The following UBP1 variants were observed in gnomAD, a reference collection of about 807,000 sequenced individuals.
UBP1 encodes the protein upstream-binding protein 1.
In UBP1, 22 loss-of-function variants were observed where a neutral mutation model predicts 76.1. The ratio of observed to expected loss-of-function variants is 0.29; its 90% CI spans 0.21 to 0.41. The LOEUF (loss-of-function observed/expected upper bound fraction) is 0.41. Among genes scored for constraint, UBP1 ranks in the 10% least tolerant of loss-of-function variants. The pLI, the probability that UBP1 is intolerant of heterozygous loss-of-function variation, is 1.00. For missense variants in UBP1, 436 were observed against 668.1 expected, an observed-to-expected ratio of 0.65 and a Z score of 3.83; for synonymous variants, 224 against 237.1, an observed-to-expected ratio of 0.94 and a Z score of 0.51.
chr3:33,396,872 G>C (rs2044017906), intron 12 of UBP1, 173 bp downstream of exon 12: 2 of 704,506 alleles, frequency 2.8e-6, no homozygotes, highest in Non-Finnish European at 5.2e-6. Flanking sequence ...TCATATCTGG[G>C]CCTGCCCTGA....
In UBP1 at chr3:33,434,279, T is replaced by C. The variant is rs1178468542; in HGVS notation, c.113+5457A>G. On this transcript the variant is annotated intron_variant, in intron 1 of 15. Coordinates refer to ENST00000283629, the MANE Select transcript of UBP1 (RefSeq NM_014517.5). Reference sequence around the variant, plus strand: ...TTTCTTGAAAGTAAGGTTTCAGTAGTCAGCAAATCCTTTTTTTTTTTTTTT... The same window carrying C: ...TTTCTTGAAAGTAAGGTTTCAGTAGCCAGCAAATCCTTTTTTTTTTTTTTT... 9.4e-5 allele frequency among the ~76,000 whole-genome samples: 14 copies of C among 149,072 alleles called. No homozygotes were observed. The Admixed American group carries it at 9.5e-4, about 10-fold the overall frequency.
At chr3:33,418,802 T>C (rs758469102) in intron 2 of UBP1, among the ~76,000 whole-genome samples, 1 of 133,728 alleles carries the variant, frequency 7.5e-6, no homozygotes, top group Non-Finnish European at 1.5e-5. Context: ...GAGGTTGCAG[T>C]AAGCTGAGAT....
chr3:33,396,893 A>G (rs1200405504), intron 12 of UBP1, 152 bp downstream of exon 12: 4 of 755,050 alleles, frequency 5.3e-6, no homozygotes, highest in Non-Finnish European at 9.3e-6. Context: ...AGGTGTACAC[A>G]AAACAGTCTT....
rs1399394516 is a variant in UBP1, at chr3:33,408,757, T to C, written c.860A>G (p.Glu287Gly). The change falls in exon 8 of 16, where the codon GAG becomes GGG. Residue 287 changes from glutamate to glycine, a missense_variant. Glu to Gly is a moderately conservative substitution (Grantham distance 98). Transcript: ENST00000283629. ...EPIIEDAVEH[E>G]QKKSSKRTLP... The stretch of plus-strand genomic sequence containing the variant: ...AGTCCGCTTGCTGGACTTTTTCTGC[T>C]CATGTTCAACTGCATCTTCAATTAT... The C allele has an allele frequency of 6.2e-7, 1 of 1,613,910 alleles. No individual in the cohort carries two copies. Among genetic ancestry groups the C allele is most frequent in the East Asian group, 2.2e-5 (1 of 44,892 alleles).
chr3:33,432,911 G>A (rs1367226976), intron 1 of UBP1, among the ~76,000 whole-genome samples: 1 of 152,142 alleles, frequency 6.6e-6, no homozygotes, highest in African/African-American at 2.4e-5. Flanking sequence ...GGGTACATGT[G>A]AACTCTCCAT....
chr3:33,421,918 C>T (rs796227642), intron 2 of UBP1, among the ~76,000 whole-genome samples: 20 of 152,184 alleles, frequency 1.3e-4, no homozygotes, highest in African/African-American at 4.8e-4. Flanking sequence ...GTGGCATGTG[C>T]CCATAGTCCT....
intron 15 of UBP1, 174 bp downstream of exon 15, chr3:33,392,389 T>C: frequency 1.7e-6 from 1 of 574,488 alleles, no homozygotes; most frequent in Non-Finnish European, 2.9e-6. Flanking sequence ...CTGACTCCTC[T>C]TCCTTATATG....
At position 33,413,546 on chromosome 3, in the gene UBP1, C is replaced by CAA. The variant is rs926941278; in HGVS notation, c.343-721_343-720dup. On this transcript the variant is annotated intron_variant, in intron 3 of 15. Transcript: ENST00000283629. ...TAGGTGACAGAGCGAGACTCCATCA[C>CAA]AAAAAAAAAAAAAAAAAAACTTTGA... Among the ~76,000 whole-genome samples the CAA allele has an allele frequency of 3.1e-3, 169 of 55,234 alleles. 1 individual carries two copies. Among genetic ancestry groups the CAA allele is most frequent in the African/African-American group, 7.2e-3 (106 of 14,664 alleles). The allele number at this position is 55,234 out of a possible 152,430, so 36.2% of individuals were successfully genotyped here. A position where few individuals can be genotyped will look rare whatever the true frequency, so the allele number is the denominator to read the frequency against.
chr3:33,405,761 T>TA (rs955879827), intron 8 of UBP1, among the ~76,000 whole-genome samples: 17 of 152,248 alleles, frequency 1.1e-4, no homozygotes, highest in African/African-American at 4.1e-4. Context: ...ACACTGTCTC[T>TA]AAAAAAATTT....
rs1402951963 is a variant in UBP1, at chr3:33,389,973, C to CAGTA, written c.*354_*357dup. 1 of 214,198 alleles carries CAGTA rather than the reference C, an allele frequency of 4.7e-6. No individual in the cohort carries two copies. The highest frequency in any genetic ancestry group is 9.3e-6 in the Non-Finnish European group (1 of 107,260). 13.3% of individuals were successfully genotyped at this position (214,198 alleles called of 1,614,324 possible). A position where few individuals can be genotyped will look rare whatever the true frequency, so the allele number is the denominator to read the frequency against. ...ACTGGCACAGAAAGGTAAATGCCCACAGTAAGTTTCTACATTCATTTCCAA... is the reference window on the plus strand; with the variant it reads ...ACTGGCACAGAAAGGTAAATGCCCACAGTAAGTAAGTTTCTACATTCATTTCCAA... On this transcript the variant is annotated 3_prime_UTR_variant, in exon 16 of 16. Transcript: ENST00000283629.
At chr3:33,425,996 A>AACATATATATATATATAT (rs2045005339) in intron 1 of UBP1, among the ~76,000 whole-genome samples, 1 of 55,136 alleles carries the variant, frequency 1.8e-5, no homozygotes, top group Non-Finnish European at 3.3e-5. Context: ...GGCAGCTCTG[A>AACATATATATATATATAT]ATATATATAT....
At chr3:33,419,784 A>G (rs1164549958) in intron 2 of UBP1, among the ~76,000 whole-genome samples, 2 of 152,192 alleles carry the variant, frequency 1.3e-5, no homozygotes, top group African/African-American at 4.8e-5. Flanking sequence ...TCCCCAATCC[A>G]TAATTTTTAA....
chr3:33,396,238 C>T lies in UBP1; in HGVS notation c.1314G>A (p.Gln438=). The T allele has an allele frequency of 6.3e-7, 1 of 1,591,368 alleles. No homozygotes were observed. Among genetic ancestry groups the T allele is most frequent in the Non-Finnish European group, 8.6e-7 (1 of 1,161,846 alleles). Residue 438 remains glutamine (Q), a synonymous_variant, in exon 13 of 16, where the codon CAG becomes CAA. Transcript: ENST00000283629. ...GCCCTTGCAGCACTGTGCTGCTTGGCTGCTCCCGGCAGACATAGATGGTTA... is the reference window on the plus strand; with the variant it reads ...GCCCTTGCAGCACTGTGCTGCTTGGTTGCTCCCGGCAGACATAGATGGTTA... ...PRLTIYVCRE[Q]PSSTVLQGQQ... is the part of the protein sequence containing the mutation.
At chr3:33,433,336 C>G (rs1575492505) in intron 1 of UBP1, among the ~76,000 whole-genome samples, 1 of 128,494 alleles carries the variant, frequency 7.8e-6, no homozygotes, top group African/African-American at 3.0e-5. Context: ...GCTGGGATTA[C>G]AGGTGTGAGC....
intron 6 of UBP1, 25 bp from the exon 7 acceptor site, chr3:33,409,371 A>G (rs745682267): frequency 6.2e-7 from 1 of 1,613,962 alleles, no homozygotes; most frequent in South Asian, 1.1e-5. Context: ...ATACTATTTC[A>G]TCTATCAGGC....
At chr3:33,404,742 G>C (rs1234957681) in intron 8 of UBP1, among the ~76,000 whole-genome samples, 1 of 152,058 alleles carries the variant, frequency 6.6e-6, no homozygotes, top group African/African-American at 2.4e-5. Flanking sequence ...TAATTCAGGA[G>C]GATGGACCTA....
chr3:33,417,134 G>A (rs1207897137), intron 2 of UBP1, among the ~76,000 whole-genome samples: 1 of 152,126 alleles, frequency 6.6e-6, no homozygotes, highest in Non-Finnish European at 1.5e-5. Context: ...GCTTTTCTGA[G>A]ATATAGTTTA....
In UBP1 at chr3:33,393,456, T is replaced by G; in HGVS notation, c.1391-2A>C. The G allele has an allele frequency of 6.3e-7, 1 of 1,581,984 alleles. No homozygotes were observed. The highest frequency in any genetic ancestry group is 8.5e-7 in the Non-Finnish European group (1 of 1,170,240). The stretch of plus-strand genomic sequence containing the variant: ...CTTCCAAGTAGATTGCATGATAAAC[T>G]GAAATTAAAAAAAAAAAAAGAAAAG... On this transcript the variant is annotated splice_acceptor_variant, in intron 13 of 15. Coordinates refer to ENST00000283629, the MANE Select transcript of UBP1 (RefSeq NM_014517.5). LOFTEE classifies it high-confidence loss of function.
chr3:33,434,682 CTTTTTT>C (rs10709462), intron 1 of UBP1, among the ~76,000 whole-genome samples: 957 of 87,696 alleles, frequency 0.011, 11 homozygotes, highest in African/African-American at 0.036. Flanking sequence ...AATGGTTTTA[CTTTTTT>C]TTTTTTTTTT....
Sources: allele counts gnomAD v4.1 joint callset (sites outside exome capture counted in the v4.1 genomes callset), GRCh38; gene constraint gnomAD v4.1.1; transcripts MANE v1.5; gene names NCBI Gene and HGNC (gene_info 2026-07-23, HGNC 2026-07-21).